Variants in MBD5 observed in about 807,000 individuals in gnomAD.
MBD5 encodes the protein methyl-CpG-binding domain protein 5.
A neutral mutation model predicts 117.3 loss-of-function variants in MBD5; 13 were observed. The observed-to-expected ratio is 0.11, with a 90% confidence interval of 0.07 to 0.18. The LOEUF is 0.18. Among genes scored for constraint, MBD5 ranks in the 10% least tolerant of loss-of-function variants. MBD5 has a pLI of 1.00. For missense variants in MBD5, 1,879 were observed against 2,093.8 expected (o/e 0.90, Z 2.00); for synonymous variants, 727 against 766.4 (o/e 0.95, Z 0.85).
intron 4 of MBD5, among the ~76,000 whole-genome samples, chr2:148,356,083 T>C (rs1461837156): frequency 1.3e-5 from 2 of 152,178 alleles, no homozygotes; most frequent in East Asian, 1.9e-4. Context: ...TTTGTAGCAA[T>C]TGTGAATTAG....
Position 148,375,101 on chromosome 2 carries a change from A to G in MBD5, c.-557+32765A>G, listed in dbSNP as rs1350082769. ...TCTTCTCCAAAGTATAATACAAGTC[A>G]TCAATGAAAATACAGTAAGCACCAG... On this transcript the variant is annotated intron_variant, in intron 4 of 13. Coordinates refer to ENST00000642680, the MANE Select transcript of MBD5 (RefSeq NM_001378120.1). Among the ~76,000 whole-genome samples, 4 of 152,232 alleles carry G rather than the reference A, an allele frequency of 2.6e-5. 1 individual carries two copies. The highest frequency in any genetic ancestry group is 1.3e-4 in the Admixed American group (2 of 15,280).
chr2:148,342,930 C>T (rs1442177778), intron 4 of MBD5, among the ~76,000 whole-genome samples: 2 of 151,938 alleles, frequency 1.3e-5, no homozygotes, highest in East Asian at 3.9e-4. Context: ...CCCCTTCCAC[C>T]CTTTCCCCTC....
chr2:148,222,811 G>A (rs1231661110), intron 2 of MBD5, among the ~76,000 whole-genome samples: 6 of 151,876 alleles, frequency 4.0e-5, no homozygotes, highest in Non-Finnish European at 7.4e-5. Context: ...GTACTATGTC[G>A]AGTAACAGTG....
intron 2 of MBD5, among the ~76,000 whole-genome samples, chr2:148,187,955 T>C (rs541644019): frequency 3.9e-5 from 6 of 152,208 alleles, no homozygotes; most frequent in Non-Finnish European, 8.8e-5. Context: ...AAAATGAATA[T>C]TTTGTTATCA....
chr2:148,461,660 T>C (rs1707086788), intron 5 of MBD5, among the ~76,000 whole-genome samples: 1 of 152,220 alleles, frequency 6.6e-6, no homozygotes, highest in South Asian at 2.1e-4. Context: ...TTTCAAAGCA[T>C]AATATGTATT....
chr2:148,101,767 C>T (rs906628188), intron 1 of MBD5, among the ~76,000 whole-genome samples: 2 of 152,102 alleles, frequency 1.3e-5, no homozygotes, highest in Admixed American at 6.5e-5. Context: ...ATTGTGTTCT[C>T]TCAGTAAAAA....
intron 1 of MBD5, among the ~76,000 whole-genome samples, chr2:148,146,378 G>A (rs918458984): frequency 1.3e-5 from 2 of 151,928 alleles, no homozygotes; most frequent in Admixed American, 6.6e-5. Context: ...CTCTATAGGT[G>A]TGCACCACAC....
intron 3 of MBD5, among the ~76,000 whole-genome samples, chr2:148,311,460 A>G (rs1702028918): frequency 6.6e-6 from 1 of 152,156 alleles, no homozygotes; most frequent in African/African-American, 2.4e-5. Flanking sequence ...ATCAGAGACT[A>G]GGATTGCAAC....
intron 1 of MBD5, among the ~76,000 whole-genome samples, chr2:148,065,390 C>T (rs1470729367): frequency 2.6e-5 from 4 of 152,068 alleles, no homozygotes; most frequent in Non-Finnish European, 5.9e-5. Context: ...CTGTGTGAAC[C>T]ATAGGTTCAG....
chr2:148,118,435 A>AAAAAAAAT (rs1021339753), intron 1 of MBD5, among the ~76,000 whole-genome samples: 8 of 148,578 alleles, frequency 5.4e-5, no homozygotes, highest in African/African-American at 1.5e-4. Context: ...CATAAAAAAA[A>AAAAAAAAT]ATATATATAT....
chr2:148,434,479 A>C (rs1199558194), intron 4 of MBD5, among the ~76,000 whole-genome samples: 1 of 151,174 alleles, frequency 6.6e-6, no homozygotes, highest in Non-Finnish European at 1.5e-5. Context: ...TGTTAATTTG[A>C]GAGTTTTCCC....
intron 1 of MBD5, among the ~76,000 whole-genome samples, chr2:148,084,232 G>A (rs1016011354): frequency 6.6e-6 from 1 of 152,136 alleles, no homozygotes; most frequent in South Asian, 2.1e-4. Context: ...GTTCTCCTAC[G>A]GGGATGCCAC....
At chr2:148,500,622 G>T (rs972474526) in intron 11 of MBD5, among the ~76,000 whole-genome samples, 1 of 152,150 alleles carries the variant, frequency 6.6e-6, no homozygotes, top group Non-Finnish European at 1.5e-5. Context: ...GACCAATGGG[G>T]TAAGTTTTAA....
At chr2:148,430,652 A>G (rs1242066508) in intron 4 of MBD5, among the ~76,000 whole-genome samples, 1 of 152,064 alleles carries the variant, frequency 6.6e-6, no homozygotes. Context: ...ATTGTTAGGT[A>G]TATTTATTTT....
intron 3 of MBD5, among the ~76,000 whole-genome samples, chr2:148,253,253 T>G (rs943450901): frequency 9.8e-5 from 15 of 152,286 alleles, no homozygotes; most frequent in Admixed American, 8.5e-4. Flanking sequence ...CCCTACTCTT[T>G]CCTAGGCATT....
rs138625619 is a variant in MBD5 at position 148,256,611 on chromosome 2, G to A, written c.-680+23216G>A. Among the ~76,000 whole-genome samples, 519 of 152,340 alleles carry A rather than the reference G, an allele frequency of 3.4e-3. 2 individuals are homozygous for A. The highest frequency in any genetic ancestry group is 0.012 in the African/African-American group (503 of 41,578). On this transcript the variant is annotated intron_variant, in intron 3 of 13. Transcript: ENST00000642680. ...CACCATCCACACTGCTCTAAGTTCA[G>A]CCCATTGGCTACTTTGTCCACACCG... is the stretch of plus-strand genomic sequence containing the variant.
intron 11 of MBD5, among the ~76,000 whole-genome samples, chr2:148,497,546 G>A (rs1014802266): frequency 3.3e-5 from 5 of 151,912 alleles, no homozygotes; most frequent in African/African-American, 1.2e-4. Context: ...AAAAATTAGC[G>A]AGCATGATGC....
At chr2:148,426,610 T>C (rs1439441341) in intron 4 of MBD5, among the ~76,000 whole-genome samples, 1 of 152,178 alleles carries the variant, frequency 6.6e-6, no homozygotes, top group Non-Finnish European at 1.5e-5. Context: ...TGTAGAAAGC[T>C]GAAACTGGAT....
intron 3 of MBD5, among the ~76,000 whole-genome samples, chr2:148,313,110 C>T (rs1298262344): frequency 6.6e-6 from 1 of 152,170 alleles, no homozygotes; most frequent in East Asian, 1.9e-4. Context: ...AGGTATCTCC[C>T]AGTCAGGAGG....
Sources: allele counts gnomAD v4.1 joint callset (sites outside exome capture counted in the v4.1 genomes callset), GRCh38; gene constraint gnomAD v4.1.1; transcripts MANE v1.5; gene names NCBI Gene and HGNC (gene_info 2026-07-23, HGNC 2026-07-21).